AGBL4: variants seen among roughly 807,000 people sequenced by gnomAD.
AGBL4 encodes the protein AGBL carboxypeptidase 4.
A neutral mutation model predicts 66.4 loss-of-function variants in AGBL4; 58 were observed. The ratio of observed to expected loss-of-function variants is 0.87; its 90% CI spans 0.71 to 1.09. The LOEUF is 1.09. Among genes scored for constraint, AGBL4 ranks in the 50% least tolerant of loss-of-function variants. The probability of loss-of-function intolerance (pLI) is 0.00; values close to 1 mark genes in which losing one functional copy is unlikely to be tolerated. For missense variants in AGBL4, 579 were observed against 631.0 expected (o/e 0.92, Z 0.88); for synonymous variants, 234 against 222.9 (o/e 1.05, Z -0.44).
At chr1:49,087,892 G>A (rs746364824) in intron 4 of AGBL4, among the ~76,000 whole-genome samples, 4 of 152,048 alleles carry the variant, frequency 2.6e-5, no homozygotes, top group Non-Finnish European at 5.9e-5. Flanking sequence ...AGGACCTTTC[G>A]GCAAAAACCA....
chr1:48,537,025 T>C (rs1159051569), intron 12 of AGBL4, among the ~76,000 whole-genome samples: 1 of 152,208 alleles, frequency 6.6e-6, no homozygotes, highest in Admixed American at 6.5e-5. Flanking sequence ...TCCATGGAGA[T>C]GGGAGAAAAC....
chr1:49,644,014 T>C (rs903320400), intron 3 of AGBL4, among the ~76,000 whole-genome samples: 2 of 151,596 alleles, frequency 1.3e-5, no homozygotes, highest in Non-Finnish European at 3.0e-5. Context: ...GCAGAGCCTA[T>C]AACACAGAAA....
intron 3 of AGBL4, among the ~76,000 whole-genome samples, chr1:49,409,056 C>T (rs538574800): frequency 6.6e-6 from 1 of 151,568 alleles, no homozygotes; most frequent in African/African-American, 2.4e-5. Flanking sequence ...ATGCCAGAGG[C>T]CTAAACCAAA....
intron 3 of AGBL4, among the ~76,000 whole-genome samples, chr1:49,311,853 T>C (rs1047734223): frequency 6.6e-6 from 1 of 152,036 alleles, no homozygotes; most frequent in African/African-American, 2.4e-5. Context: ...TACAAATCTA[T>C]AGGTGTTAAA....
intron 11 of AGBL4, among the ~76,000 whole-genome samples, chr1:48,582,644 G>A (rs1046624263): frequency 6.6e-6 from 1 of 152,198 alleles, no homozygotes. Context: ...CCTACCAGAT[G>A]CCAGGCAGTA....
At chr1:49,208,117 G>A (rs1318773545) in intron 4 of AGBL4, among the ~76,000 whole-genome samples, 1 of 151,960 alleles carries the variant, frequency 6.6e-6, no homozygotes, top group African/African-American at 2.4e-5. Context: ...ATATGCCTAT[G>A]AGTTAGTTAT....
At chr1:49,215,198 T>G (rs551382558) in intron 4 of AGBL4, among the ~76,000 whole-genome samples, 4 of 152,140 alleles carry the variant, frequency 2.6e-5, no homozygotes, top group Non-Finnish European at 5.9e-5. Context: ...GTTCCTCATG[T>G]GCTCTGTGGG....
rs149135298 is a variant in AGBL4, at chr1:48,887,120, C to G, written c.595-19890G>C. Among the ~76,000 whole-genome samples the G allele has an allele frequency of 9.2e-5, 14 of 152,024 alleles. No individual in the cohort carries two copies. The East Asian group carries it at 2.7e-3, about 30-fold the overall frequency. ...GAAAGGGGAAAGAGGGCTTGTGGGC[C>G]CTGGCAGAATCTTCTGTGTGAGCAA... is the stretch of plus-strand genomic sequence containing the variant. On this transcript the variant is annotated intron_variant, in intron 5 of 13. Transcript: ENST00000371839.
At chr1:49,546,348 T>C (rs924067958) in intron 3 of AGBL4, among the ~76,000 whole-genome samples, 2 of 150,918 alleles carry the variant, frequency 1.3e-5, no homozygotes, top group Admixed American at 1.3e-4. Context: ...TATGTATATA[T>C]GTATATATAT....
chr1:49,745,509 A>C (rs938872008), intron 2 of AGBL4, among the ~76,000 whole-genome samples: 5 of 152,040 alleles, frequency 3.3e-5, no homozygotes, highest in Admixed American at 3.3e-4. Context: ...GAATTATCCA[A>C]GGTTGGAGGC....
Position 49,895,309 on chromosome 1 carries a change from T to G in AGBL4, c.35-43791A>C, listed in dbSNP as rs578242706. On this transcript the variant is annotated intron_variant, in intron 1 of 13. Coordinates refer to ENST00000371839, the MANE Select transcript of AGBL4 (RefSeq NM_032785.4). ...GACATTAATGAACACTAAGAAATCA[T>G]CAGAAGGCACAAAAATCACAGGTAA... is the stretch of plus-strand genomic sequence containing the variant. 7.3e-5 allele frequency among the ~76,000 whole-genome samples: 11 copies of G among 151,320 alleles called. No individual in the cohort carries two copies. In the East Asian group the frequency reaches 1.9e-3, roughly 27 times the overall value.
intron 3 of AGBL4, among the ~76,000 whole-genome samples, chr1:49,355,178 C>T (rs1463506913): frequency 6.6e-6 from 1 of 152,156 alleles, no homozygotes; most frequent in African/African-American, 2.4e-5. Flanking sequence ...TTCAAGCACT[C>T]GATCCAACTA....
At chr1:49,282,335 G>T (rs1037407090) in intron 3 of AGBL4, among the ~76,000 whole-genome samples, 1 of 152,132 alleles carries the variant, frequency 6.6e-6, no homozygotes, top group Non-Finnish European at 1.5e-5. Context: ...AAGAGATTTT[G>T]TCATTTCTCT....
chr1:49,235,756 C>T (rs944627776), intron 4 of AGBL4, among the ~76,000 whole-genome samples: 2 of 151,992 alleles, frequency 1.3e-5, no homozygotes, highest in African/African-American at 2.4e-5. Flanking sequence ...TCTTTCTTAC[C>T]CTGTACAAGA....
chr1:49,820,463 T>C (rs1381494092), intron 2 of AGBL4, among the ~76,000 whole-genome samples: 1 of 152,158 alleles, frequency 6.6e-6, no homozygotes, highest in African/African-American at 2.4e-5. Context: ...TCCAAAAATG[T>C]TACCCTTTCT....
At chr1:48,804,718 T>C (rs1645884315) in intron 6 of AGBL4, among the ~76,000 whole-genome samples, 1 of 152,036 alleles carries the variant, frequency 6.6e-6, no homozygotes. Context: ...CTAGCAAAGA[T>C]GGTACTGGAA....
chr1:49,631,781 A>C (rs1369919428), intron 3 of AGBL4, among the ~76,000 whole-genome samples: 3 of 152,234 alleles, frequency 2.0e-5, no homozygotes, highest in African/African-American at 7.2e-5. Context: ...CTGAATGTGA[A>C]GAATCTCATA....
chr1:48,593,275 T>G (rs1025205381), intron 9 of AGBL4, among the ~76,000 whole-genome samples: 2 of 152,312 alleles, frequency 1.3e-5, no homozygotes, highest in Middle Eastern at 6.8e-3. Context: ...TCTGAATATA[T>G]CTTGGAGGCG....
At chr1:49,485,487 T>C (rs1415031976) in intron 3 of AGBL4, among the ~76,000 whole-genome samples, 1 of 148,524 alleles carries the variant, frequency 6.7e-6, no homozygotes, top group Non-Finnish European at 1.5e-5. Context: ...GGGATAGCAT[T>C]AGGAGATATA....
Sources: allele counts gnomAD v4.1 joint callset (sites outside exome capture counted in the v4.1 genomes callset), GRCh38; gene constraint gnomAD v4.1.1; transcripts MANE v1.5; gene names NCBI Gene and HGNC (gene_info 2026-07-23, HGNC 2026-07-21).